The following SLC10A7 variants were observed in gnomAD, a reference collection of about 807,000 sequenced individuals.
The protein encoded by SLC10A7 is solute carrier family 10 member 7, also known as sodium/bile acid cotransporter 7.
Under a neutral mutation model 43.2 loss-of-function variants are expected in SLC10A7, and 29 were observed. That is an observed-to-expected ratio of 0.67 (90% CI 0.50 to 0.92). The LOEUF (loss-of-function observed/expected upper bound fraction) is 0.92, where lower values mean the gene tolerates loss of function less well. SLC10A7 is among the 40% of genes least tolerant of loss of function. The pLI, the probability that SLC10A7 is intolerant of heterozygous loss-of-function variation, is 0.00. For missense variants in SLC10A7, 295 were observed against 403.2 expected, an observed-to-expected ratio of 0.73 and a Z score of 2.30; for synonymous variants, 152 against 144.8, an observed-to-expected ratio of 1.05 and a Z score of -0.35.
intron 5 of SLC10A7, among the ~76,000 whole-genome samples, chr4:146,389,081 A>G (rs1738225553): frequency 6.6e-6 from 1 of 152,170 alleles, no homozygotes; most frequent in Non-Finnish European, 1.5e-5. Flanking sequence ...GAAACAGAAA[A>G]TCAAAGCTAC....
intron 4 of SLC10A7, among the ~76,000 whole-genome samples, chr4:146,467,205 T>G (rs1733106253): frequency 6.6e-6 from 1 of 152,180 alleles, no homozygotes; most frequent in Admixed American, 6.6e-5. Context: ...GGTCTGTTTG[T>G]ATACTTACCA....
chr4:146,401,040 C>A (rs978072593), intron 5 of SLC10A7, among the ~76,000 whole-genome samples: 1 of 152,102 alleles, frequency 6.6e-6, no homozygotes, highest in African/African-American at 2.4e-5. Context: ...AAAGAAACTG[C>A]AAACACTGGA....
At chr4:146,379,255 A>G (rs1353805828) in intron 5 of SLC10A7, among the ~76,000 whole-genome samples, 1 of 152,194 alleles carries the variant, frequency 6.6e-6, no homozygotes, top group Non-Finnish European at 1.5e-5. Flanking sequence ...TGAGGTCTAC[A>G]TTGTTCTCAG....
intron 7 of SLC10A7, among the ~76,000 whole-genome samples, chr4:146,296,684 C>G (rs1405191756): frequency 6.6e-6 from 1 of 152,118 alleles, no homozygotes; most frequent in Non-Finnish European, 1.5e-5. Context: ...CTAAGTAAAC[C>G]CTTTTATATC....
chr4:146,337,446 A>G (rs1733966713), intron 5 of SLC10A7, among the ~76,000 whole-genome samples: 1 of 151,982 alleles, frequency 6.6e-6, no homozygotes, highest in Non-Finnish European at 1.5e-5. Context: ...CTCTCTTAAA[A>G]TGTCAAGAGG....
At chr4:146,407,525 C>T (rs973470445) in intron 5 of SLC10A7, among the ~76,000 whole-genome samples, 14 of 152,158 alleles carry the variant, frequency 9.2e-5, no homozygotes, top group African/African-American at 3.4e-4. Flanking sequence ...CACTGAACAA[C>T]CATTTCCCCC....
At chr4:146,266,906 A>G (rs1470464024) in intron 10 of SLC10A7, among the ~76,000 whole-genome samples, 1 of 152,202 alleles carries the variant, frequency 6.6e-6, no homozygotes, top group African/African-American at 2.4e-5. Flanking sequence ...AAAAATAAAG[A>G]ATAAAATAAT....
intron 9 of SLC10A7, among the ~76,000 whole-genome samples, chr4:146,289,447 C>A (rs1212604391): frequency 6.6e-6 from 1 of 152,108 alleles, no homozygotes; most frequent in African/African-American, 2.4e-5. Flanking sequence ...AGTTATCAGC[C>A]TACCAAACTT....
intron 9 of SLC10A7, among the ~76,000 whole-genome samples, chr4:146,283,495 C>T (rs1729681288): frequency 6.6e-6 from 1 of 151,942 alleles, no homozygotes; most frequent in African/African-American, 2.4e-5. Context: ...TGGTGGAGGT[C>T]GCCTAAGATC....
chr4:146,350,186 T>A (rs4309853), intron 5 of SLC10A7, among the ~76,000 whole-genome samples: 5 of 141,522 alleles, frequency 3.5e-5, no homozygotes, highest in South Asian at 2.4e-4. Context: ...CACCGTGCGC[T>A]AGCCGAAGCA....
chr4:146,453,035 G>GTGTA lies in SLC10A7; in HGVS notation c.397-10215_397-10214insTACA, dbSNP rs1378300074. ...ATAGATATATACAATGTGTGTGTGT[G>GTGTA]TATATATATATATATAAATATACAA... On this transcript the variant is annotated intron_variant, in intron 4 of 11. Coordinates refer to ENST00000335472, the MANE Select transcript of SLC10A7 (RefSeq NM_001029998.6). Among the ~76,000 whole-genome samples the GTGTA allele has an allele frequency of 2.3e-3, 346 of 149,848 alleles. 3 individuals carry two copies. The highest frequency in any genetic ancestry group is 8.0e-3 in the African/African-American group (322 of 40,462).
In SLC10A7 at chr4:146,517,022, C is replaced by G; in HGVS notation, c.183+16G>C. 2 of 1,559,976 alleles carry G rather than the reference C, an allele frequency of 1.3e-6. No individual in the cohort carries two copies. Among genetic ancestry groups the G allele is most frequent in the Non-Finnish European group, 1.7e-6 (2 of 1,147,266 alleles). On this transcript the variant is annotated intron_variant, in intron 2 of 11. Coordinates refer to ENST00000335472, the MANE Select transcript of SLC10A7 (RefSeq NM_001029998.6). ...TTTTTCTCCCTGCTTTTCATGTGTCCCATAGATGACAGTACCTCTGTTTTC... is the reference window on the plus strand; with the variant it reads ...TTTTTCTCCCTGCTTTTCATGTGTCGCATAGATGACAGTACCTCTGTTTTC...
intron 5 of SLC10A7, among the ~76,000 whole-genome samples, chr4:146,333,780 G>A (rs1438219985): frequency 6.6e-6 from 1 of 152,020 alleles, no homozygotes; most frequent in Admixed American, 6.6e-5. Context: ...GGTGTGGGGA[G>A]GGGCAATAGA....
intron 4 of SLC10A7, among the ~76,000 whole-genome samples, chr4:146,466,104 T>C (rs1196360114): frequency 6.6e-6 from 1 of 152,226 alleles, no homozygotes; most frequent in Non-Finnish European, 1.5e-5. Flanking sequence ...ATCTACTTTC[T>C]AATCCCCAAC....
At chr4:146,297,314 G>T (rs1389335232) in intron 7 of SLC10A7, among the ~76,000 whole-genome samples, 7 of 152,166 alleles carry the variant, frequency 4.6e-5, no homozygotes, top group Non-Finnish European at 1.0e-4. Context: ...TAAATAGCAG[G>T]AAAGGGTAAA....
At chr4:146,407,079 T>C (rs1241552048) in intron 5 of SLC10A7, among the ~76,000 whole-genome samples, 8 of 152,206 alleles carry the variant, frequency 5.3e-5, no homozygotes, top group Admixed American at 5.2e-4. Context: ...GATGGGATCT[T>C]TCCTACCCCT....
At chr4:146,280,156 G>A (rs1327608710) in intron 10 of SLC10A7, among the ~76,000 whole-genome samples, 1 of 151,876 alleles carries the variant, frequency 6.6e-6, no homozygotes, top group South Asian at 2.1e-4. Context: ...TGTATTCTAC[G>A]TGAGATGTTA....
chr4:146,258,181 ACTT>A (rs1171172793), intron 11 of SLC10A7, among the ~76,000 whole-genome samples: 1 of 152,196 alleles, frequency 6.6e-6, no homozygotes, highest in Admixed American at 6.5e-5. Flanking sequence ...CATTGCATGG[ACTT>A]CTTAGCTACT....
chr4:146,494,325 G>T (rs1735706215), intron 4 of SLC10A7, among the ~76,000 whole-genome samples: 2 of 152,160 alleles, frequency 1.3e-5, no homozygotes, highest in Non-Finnish European at 2.9e-5. Context: ...AGGTCAGGCG[G>T]CCTATCAGCA....
Sources: allele counts gnomAD v4.1 joint callset (sites outside exome capture counted in the v4.1 genomes callset), GRCh38; gene constraint gnomAD v4.1.1; transcripts MANE v1.5; gene names NCBI Gene and HGNC (gene_info 2026-07-23, HGNC 2026-07-21).